Variants in TENM2 observed in about 807,000 individuals in gnomAD.
TENM2 encodes the protein teneurin-2.
TENM2 carries 52 observed loss-of-function variants against 245.2 expected under a neutral mutation model. The ratio of observed to expected loss-of-function variants is 0.21; its 90% CI spans 0.17 to 0.27. The LOEUF is 0.27. Among genes scored for constraint, TENM2 ranks in the 10% least tolerant of loss-of-function variants. The pLI is 1.00. For missense variants in TENM2, 3,046 were observed against 3,666.8 expected (o/e 0.83, Z 4.37); for synonymous variants, 1,363 against 1,438.9 (o/e 0.95, Z 1.19).
rs187201639 is a variant in TENM2, at chr5:167,583,124, C to G, written c.502+207651C>G. On this transcript the variant is annotated intron_variant, in intron 2 of 28. Transcript: ENST00000518659. ...TATTTGATAGTGGAGTTGTCCGTGA[C>G]TCTTACACACCATTTTATGCAAGAA... Among the ~76,000 whole-genome samples the G allele has an allele frequency of 2.6e-5, 4 of 152,282 alleles. No individual in the cohort carries two copies. The East Asian group carries it at 7.7e-4, about 29-fold the overall frequency.
At chr5:167,658,580 A>G (rs1237488258) in intron 2 of TENM2, among the ~76,000 whole-genome samples, 1 of 152,174 alleles carries the variant, frequency 6.6e-6, no homozygotes, top group Non-Finnish European at 1.5e-5. Context: ...ACAGTGAAGA[A>G]TAAGTTTCAA....
chr5:167,911,203 T>C (rs755638145), intron 3 of TENM2, among the ~76,000 whole-genome samples: 4 of 152,134 alleles, frequency 2.6e-5, no homozygotes, highest in Non-Finnish European at 5.9e-5. Context: ...ACAAAAATGA[T>C]AATCCATGTT....
the TENM2 span, among the ~76,000 whole-genome samples, chr5:167,247,546 T>G: frequency 6.6e-6 from 1 of 152,126 alleles, no homozygotes; most frequent in African/African-American, 2.4e-5. Context: ...GTGCTTAAAA[T>G]AGAAACCCCA....
intron 2 of TENM2, among the ~76,000 whole-genome samples, chr5:167,800,090 T>C (rs901388701): frequency 5.9e-5 from 9 of 152,222 alleles, no homozygotes; most frequent in African/African-American, 2.2e-4. Flanking sequence ...CTTGAAAATA[T>C]GAGGATAACA....
At chr5:168,220,195 A>G (rs1446582059) in intron 23 of TENM2, among the ~76,000 whole-genome samples, 3 of 152,136 alleles carry the variant, frequency 2.0e-5, no homozygotes, top group Non-Finnish European at 2.9e-5. Flanking sequence ...GGCTGAAGCT[A>G]TACACTCACC....
At chr5:167,734,478 A>C (rs1233944654) in intron 2 of TENM2, among the ~76,000 whole-genome samples, 2 of 148,430 alleles carry the variant, frequency 1.3e-5, no homozygotes, top group East Asian at 1.9e-4. Context: ...ATCATATATA[A>C]TATATGCAAT....
chr5:168,017,980 C>T (rs1785806866), intron 5 of TENM2, among the ~76,000 whole-genome samples: 1 of 152,160 alleles, frequency 6.6e-6, no homozygotes, highest in Admixed American at 6.5e-5. Context: ...CCCTCTTCTA[C>T]ACCTCGTACT....
intron 2 of TENM2, among the ~76,000 whole-genome samples, chr5:167,399,320 C>T (rs998568158): frequency 1.3e-5 from 2 of 152,092 alleles, no homozygotes; most frequent in Non-Finnish European, 2.9e-5. Context: ...ATGAGCAGAG[C>T]GAGGAGCGAG....
At position 168,061,181 on chromosome 5, in the gene TENM2, T is replaced by G. The variant is rs1277332594; in HGVS notation, c.1310-879T>G. The stretch of plus-strand genomic sequence containing the variant: ...ATTTCTTAGCAAGTTCAGAATCGAT[T>G]TGAAGGAATCACAAATGGCCTTTAT... On this transcript the variant is annotated intron_variant, in intron 6 of 28. Coordinates refer to ENST00000518659, the Ensembl canonical transcript of TENM2. 3.3e-5 allele frequency among the ~76,000 whole-genome samples: 5 copies of G among 152,320 alleles called. No individual in the cohort carries two copies. The East Asian group carries it at 7.7e-4, about 23-fold the overall frequency.
chr5:167,599,795 A>T (rs1456085073), intron 2 of TENM2, among the ~76,000 whole-genome samples: 1 of 152,104 alleles, frequency 6.6e-6, no homozygotes, highest in African/African-American at 2.4e-5. Context: ...ATATTCTGTG[A>T]TAGCTGACAG....
intron 2 of TENM2, among the ~76,000 whole-genome samples, chr5:167,429,221 A>G (rs997605584): frequency 6.6e-6 from 1 of 152,196 alleles, no homozygotes; most frequent in Non-Finnish European, 1.5e-5. Flanking sequence ...AGTTTATAGA[A>G]AAGTGGTCAT....
At chr5:168,112,045 T>C (rs1794705486) in intron 9 of TENM2, among the ~76,000 whole-genome samples, 1 of 152,220 alleles carries the variant, frequency 6.6e-6, no homozygotes, top group Non-Finnish European at 1.5e-5. Context: ...GCTTAGGGTA[T>C]CCTTTGTCAC....
chr5:167,254,638 G>GA, the TENM2 span, among the ~76,000 whole-genome samples: 1 of 151,978 alleles, frequency 6.6e-6, no homozygotes, highest in Non-Finnish European at 1.5e-5. Context: ...CAATAAACAA[G>GA]AAAAAACTAT....
At chr5:167,691,261 C>T (rs1757415751) in intron 2 of TENM2, among the ~76,000 whole-genome samples, 1 of 152,108 alleles carries the variant, frequency 6.6e-6, no homozygotes, top group Non-Finnish European at 1.5e-5. Context: ...CCTCATTTTG[C>T]CTCATCCTTC....
intron 3 of TENM2, among the ~76,000 whole-genome samples, chr5:167,915,318 T>G (rs1470463157): frequency 1.3e-5 from 2 of 152,092 alleles, no homozygotes; most frequent in African/African-American, 4.8e-5. Flanking sequence ...GGAAGGGAGA[T>G]GGAAAGACAG....
intron 3 of TENM2, among the ~76,000 whole-genome samples, chr5:167,880,127 G>T (rs945468856): frequency 6.6e-6 from 1 of 152,066 alleles, no homozygotes; most frequent in African/African-American, 2.4e-5. Context: ...CCGCCCCCCA[G>T]GTTCAAGTGA....
chr5:167,463,478 G>T (rs994273507), intron 2 of TENM2, among the ~76,000 whole-genome samples: 1 of 151,616 alleles, frequency 6.6e-6, no homozygotes, highest in African/African-American at 2.4e-5. Flanking sequence ...AGTATTTTTT[G>T]AATACTAGAA....
the TENM2 span, among the ~76,000 whole-genome samples, chr5:167,090,851 A>G: frequency 6.7e-6 from 1 of 150,128 alleles, no homozygotes; most frequent in Non-Finnish European, 1.5e-5. Flanking sequence ...TAGATTCTAA[A>G]ATGTATATTG....
chr5:167,302,914 C>A (rs1224984524), intron 1 of TENM2, among the ~76,000 whole-genome samples: 2 of 152,140 alleles, frequency 1.3e-5, no homozygotes, highest in African/African-American at 2.4e-5. Flanking sequence ...TGATTAAACA[C>A]CAAGGGAAGG....
Sources: allele counts gnomAD v4.1 joint callset (sites outside exome capture counted in the v4.1 genomes callset), GRCh38; gene constraint gnomAD v4.1.1; transcripts MANE v1.5; gene names NCBI Gene and HGNC (gene_info 2026-07-23, HGNC 2026-07-21).